THSD7A: variants seen among roughly 807,000 people sequenced by gnomAD.
THSD7A encodes thrombospondin type 1 domain containing 7A.
THSD7A carries 96 observed loss-of-function variants against 231.3 expected under a neutral mutation model. The observed-to-expected ratio is 0.41, with a 90% CI of 0.35 to 0.49. THSD7A has a LOEUF of 0.49. THSD7A is among the 20% of genes least tolerant of loss of function. The probability of loss-of-function intolerance (pLI) is 0.05; values close to 1 mark genes in which losing one functional copy is unlikely to be tolerated. For synonymous variants in THSD7A, 940 were observed against 743.3 expected, an observed-to-expected ratio of 1.26 and a Z score of -4.30; for missense variants, 2,290 against 2,070.2, an observed-to-expected ratio of 1.11 and a Z score of -2.06.
intron 17 of THSD7A, among the ~76,000 whole-genome samples, chr7:11,415,316 C>G (rs1783924932): frequency 6.6e-6 from 1 of 152,144 alleles, no homozygotes; most frequent in African/African-American, 2.4e-5. Flanking sequence ...AGATAAACGG[C>G]CTCGGGCATC....
At chr7:11,663,751 A>T (rs191988405) in intron 1 of THSD7A, among the ~76,000 whole-genome samples, 353 of 151,796 alleles carry the variant, frequency 2.3e-3, no homozygotes, top group Non-Finnish European at 3.9e-3. Flanking sequence ...TAAAAAGTCA[A>T]TTGATGTAAT....
chr7:11,542,564 C>T (rs1250825491), intron 5 of THSD7A, among the ~76,000 whole-genome samples: 2 of 152,178 alleles, frequency 1.3e-5, no homozygotes, highest in Admixed American at 6.5e-5. Flanking sequence ...ATCTGATTGA[C>T]TGCTTAGAGA....
intron 1 of THSD7A, among the ~76,000 whole-genome samples, chr7:11,740,276 G>A (rs1175121181): frequency 1.3e-5 from 2 of 151,926 alleles, no homozygotes; most frequent in African/African-American, 2.4e-5. Flanking sequence ...AGTGGTCAAT[G>A]ATCCCAGAGA....
At chr7:11,780,749 T>C (rs932260129) in intron 1 of THSD7A, among the ~76,000 whole-genome samples, 1 of 152,100 alleles carries the variant, frequency 6.6e-6, no homozygotes, top group Non-Finnish European at 1.5e-5. Flanking sequence ...TTAGAGTATG[T>C]TTTTTTAGAC....
In THSD7A at chr7:11,411,244, C is replaced by T; in HGVS notation, c.3761G>A (p.Ser1254Asn). The stretch of plus-strand genomic sequence containing the variant: ...TTTCAGGTCAACTGACTTGCCATCA[C>T]TTCGAACACAATCCAACATCCTTGT... Reference protein sequence around the residue: ...IKTRMLDCVRSDGKSVDLKYC... With the variant: ...IKTRMLDCVRNDGKSVDLKYC... The change falls in exon 19 of 28, where the codon AGT (serine) becomes AAT (asparagine). Residue 1254 changes from serine to asparagine, a missense_variant. Coordinates refer to ENST00000423059, the MANE Select transcript of THSD7A (RefSeq NM_015204.3). This position sits in a 1 kb window ranked among gnomAD's most constrained non-coding sequence, Gnocchi z 4.1. 2 of 1,613,900 alleles carry T rather than the reference C, an allele frequency of 1.2e-6. No individual in the cohort carries two copies. Among genetic ancestry groups the T allele is most frequent in the Non-Finnish European group, 1.7e-6 (2 of 1,179,824 alleles).
chr7:11,581,405 T>C (rs1341868118), intron 4 of THSD7A, among the ~76,000 whole-genome samples: 1 of 152,098 alleles, frequency 6.6e-6, no homozygotes, highest in Non-Finnish European at 1.5e-5. Flanking sequence ...ATCCATGACT[T>C]TGTACCAGAC....
chr7:11,530,994 G>T (rs1048800798), intron 6 of THSD7A, among the ~76,000 whole-genome samples: 6 of 152,152 alleles, frequency 3.9e-5, no homozygotes, highest in African/African-American at 1.4e-4. Context: ...CTGGGTGACA[G>T]ACCAAGACTC....
chr7:11,723,127 C>A (rs1263547077), intron 1 of THSD7A, among the ~76,000 whole-genome samples: 1 of 151,920 alleles, frequency 6.6e-6, no homozygotes, highest in African/African-American at 2.4e-5. Flanking sequence ...ACATATACAC[C>A]ATGGAATACT....
chr7:11,448,494 G>T (rs1785046082), intron 11 of THSD7A, among the ~76,000 whole-genome samples: 1 of 152,052 alleles, frequency 6.6e-6, no homozygotes, highest in Non-Finnish European at 1.5e-5. Context: ...TATGGTCTAG[G>T]CTGAAACTGC....
At chr7:11,711,294 G>A (rs1780955141) in intron 1 of THSD7A, among the ~76,000 whole-genome samples, 1 of 150,850 alleles carries the variant, frequency 6.6e-6, no homozygotes, top group Non-Finnish European at 1.5e-5. Flanking sequence ...TTGGAGAGCA[G>A]GAAATGTCCT....
intron 1 of THSD7A, among the ~76,000 whole-genome samples, chr7:11,709,443 G>C (rs546683964): frequency 6.6e-6 from 1 of 150,710 alleles, no homozygotes; most frequent in Non-Finnish European, 1.5e-5. Flanking sequence ...AATTTGGCCT[G>C]GTAAATGAGT....
chr7:11,392,553 G>C lies in THSD7A; in HGVS notation c.4411+9242C>G, dbSNP rs527901934. On this transcript the variant is annotated intron_variant, in intron 23 of 27. Coordinates refer to ENST00000423059, the MANE Select transcript of THSD7A (RefSeq NM_015204.3). Reference sequence around the variant, plus strand: ...ACCGAACTATTCACTCCCCTGGAAAGGGGGCTGAAGCCAGGGAGCTGAGTG... The same window carrying C: ...ACCGAACTATTCACTCCCCTGGAAACGGGGCTGAAGCCAGGGAGCTGAGTG... 3.9e-5 allele frequency among the ~76,000 whole-genome samples: 6 copies of C among 152,108 alleles called. No homozygotes were observed. The East Asian group carries it at 9.7e-4, about 25-fold the overall frequency.
intron 1 of THSD7A, among the ~76,000 whole-genome samples, chr7:11,759,797 G>A (rs561711174): frequency 1.3e-5 from 2 of 152,106 alleles, no homozygotes; most frequent in East Asian, 3.9e-4. Context: ...TAACAATAGT[G>A]AACTAAAGAC....
chr7:11,416,800 C>A (rs377426838), intron 17 of THSD7A, among the ~76,000 whole-genome samples: 2 of 152,162 alleles, frequency 1.3e-5, no homozygotes, highest in African/African-American at 4.8e-5. Flanking sequence ...AAATGACTCT[C>A]TTCCCAGAGT....
chr7:11,564,267 AC>A (rs1790207119), intron 4 of THSD7A, among the ~76,000 whole-genome samples: 2 of 152,220 alleles, frequency 1.3e-5, no homozygotes, highest in Admixed American at 1.3e-4. Flanking sequence ...TGTCGAAAAC[AC>A]TGCTGGTGAG....
intron 2 of THSD7A, among the ~76,000 whole-genome samples, chr7:11,611,363 C>G (rs1780915135): frequency 6.6e-6 from 1 of 151,732 alleles, no homozygotes; most frequent in African/African-American, 2.4e-5. Context: ...ATTATTAAAT[C>G]AGCTACATAT....
At chr7:11,392,086 T>C (rs1185158021) in intron 23 of THSD7A, among the ~76,000 whole-genome samples, 1 of 151,792 alleles carries the variant, frequency 6.6e-6, no homozygotes, top group African/African-American at 2.4e-5. Flanking sequence ...AGATTTCACA[T>C]AGGGAGATCC....
chr7:11,423,264 T>A (rs770097440), intron 16 of THSD7A, among the ~76,000 whole-genome samples: 7 of 152,170 alleles, frequency 4.6e-5, no homozygotes, highest in Non-Finnish European at 8.8e-5. Context: ...TATTAACTTG[T>A]TCTGCTTTCC....
intron 2 of THSD7A, among the ~76,000 whole-genome samples, chr7:11,605,720 C>A (rs1235577243): frequency 2.0e-5 from 3 of 152,056 alleles, no homozygotes; most frequent in Non-Finnish European, 4.4e-5. Context: ...GGCAGTTTAC[C>A]AATAATTGGA....
Sources: gnomAD v4.1 joint callset for allele counts (sites outside exome capture counted in the v4.1 genomes callset) on GRCh38, gnomAD v4.1.1 for gene constraint, Gnocchi (gnomAD v3.1) non-coding constraint, MANE v1.5 for transcripts, NCBI Gene and HGNC (gene_info 2026-07-23, HGNC 2026-07-21) for gene names.